Variants in DDX55 observed in about 807,000 individuals in gnomAD.
The protein encoded by DDX55 is DEAD-box helicase 55.
In DDX55, 56 loss-of-function variants were observed where a neutral mutation model predicts 69.2. The ratio of observed to expected loss-of-function variants is 0.81; its 90% CI spans 0.65 to 1.01. DDX55 has a LOEUF of 1.01. Among genes scored for constraint, DDX55 ranks in the 50% least tolerant of loss-of-function variants. The probability of loss-of-function intolerance (pLI) is 0.00; values close to 1 mark genes in which losing one functional copy is unlikely to be tolerated. For missense variants in DDX55, 720 were observed against 745.1 expected (o/e 0.97, Z 0.39); for synonymous variants, 268 against 273.1 (o/e 0.98, Z 0.18).
Position 123,610,123 on chromosome 12 carries a change from T to C in DDX55, c.736T>C (p.Tyr246His), listed in dbSNP as rs1257774956. 1 of 1,613,178 alleles carries C rather than the reference T, an allele frequency of 6.2e-7. No homozygotes were observed. Among genetic ancestry groups the C allele is most frequent in the Non-Finnish European group, 8.5e-7 (1 of 1,179,734 alleles). ...QKTPSRLENY[Y>H]MVCKADEKFN... ...GACCCCCTCCCGCCTGGAAAACTACTACATGGTAAGCGCCTGGGCTTGCTT... is the reference window on the plus strand; with the variant it reads ...GACCCCCTCCCGCCTGGAAAACTACCACATGGTAAGCGCCTGGGCTTGCTT... Residue 246 changes from tyrosine (Y) to histidine (H), a missense_variant, in exon 7 of 14, where the codon TAC (tyrosine) becomes CAC (histidine). Physicochemically the swap from Tyr to His is moderately conservative, Grantham distance 83 (BLOSUM62 2). Transcript: ENST00000238146.
rs367894750 is a variant in DDX55 at position 123,620,438 on chromosome 12, C to T, written c.*298C>T. 1.3e-4 allele frequency: 27 copies of T among 210,140 alleles called. No homozygotes were observed. The highest frequency in any genetic ancestry group is 5.5e-4 in the East Asian group (6 of 10,822). The allele number at this position is 210,140 out of a possible 1,614,324, so 13.0% of individuals were successfully genotyped here. ...GTTCAAGACCAGCCTGGGAACACAG[C>T]GAGACCCTCTCATTAAAAACAACAA... is the stretch of plus-strand genomic sequence containing the variant. On this transcript the variant is annotated 3_prime_UTR_variant, in exon 14 of 14. Coordinates refer to ENST00000238146, the MANE Select transcript of DDX55 (RefSeq NM_020936.3).
At chr12:123,605,577 A>G (rs1449441973) in intron 1 of DDX55, 3 of 374,192 alleles carry the variant, frequency 8.0e-6, no homozygotes, top group Non-Finnish European at 1.6e-5. Context: ...CAACCTCTAC[A>G]GTGCTTAAAA....
rs1953951423 is a variant in DDX55 at position 123,607,332 on chromosome 12, C to CT, written c.247-99dup. 12 of 1,314,310 alleles carry CT rather than the reference C, an allele frequency of 9.1e-6. No individual in the cohort carries two copies. The South Asian group carries it at 1.0e-4, about 11-fold the overall frequency. 81.4% of individuals were successfully genotyped at this position (1,314,310 alleles called of 1,614,324 possible). A position where few individuals can be genotyped will look rare whatever the true frequency, so the allele number is the denominator to read the frequency against. On this transcript the variant is annotated intron_variant, in intron 3 of 13. Coordinates refer to ENST00000238146, the MANE Select transcript of DDX55 (RefSeq NM_020936.3). Reference sequence around the variant, plus strand: ...AGAAAGTCTGGGAACTACTGTTTCTCTGGAACTTTCCTTTGTGTGGTAGAG... The same window carrying CT: ...AGAAAGTCTGGGAACTACTGTTTCTCTTGGAACTTTCCTTTGTGTGGTAGAG...
chr12:123,616,595 C>T lies in DDX55; in HGVS notation c.1041C>T (p.Ser347=), dbSNP rs1169783231. The T allele has an allele frequency of 1.9e-5, 30 of 1,614,068 alleles. No individual in the cohort carries two copies. The highest frequency in any genetic ancestry group is 2.3e-5 in the Non-Finnish European group (27 of 1,179,968). The change falls in exon 10 of 14, where the codon AGC becomes AGT. Residue 347 remains serine, a synonymous_variant. Transcript: ENST00000238146. Reference sequence around the variant, plus strand: ...GGGTTTTGCAGTATGACCCTCCCAGCAATGCAAGGTATGGTACGAGGCTGC... The same window carrying T: ...GGGTTTTGCAGTATGACCCTCCCAGTAATGCAAGGTATGGTACGAGGCTGC... The part of the protein sequence containing the change: ...VNWVLQYDPP[S]NASAFVHRCG...
chr12:123,620,623 TATATAA>T lies in DDX55; in HGVS notation c.*484_*489del, dbSNP rs1166276714. 2.0e-5 allele frequency: 2 copies of T among 102,232 alleles called. No homozygotes were observed. The highest frequency in any genetic ancestry group is 6.3e-4 in the South Asian group (2 of 3,178). 6.3% of individuals were successfully genotyped at this position (102,232 alleles called of 1,614,324 possible). ...ATATATATATATATATATATATATATATATAAGCTCTTTTTTCTGAGGCTATTTTAT... is the reference window on the plus strand; with the variant it reads ...ATATATATATATATATATATATATATGCTCTTTTTTCTGAGGCTATTTTAT... On this transcript the variant is annotated 3_prime_UTR_variant, in exon 14 of 14. Transcript: ENST00000238146.
intron 7 of DDX55, among the ~76,000 whole-genome samples, chr12:123,610,390 C>T (rs1445705224): frequency 6.6e-6 from 1 of 152,094 alleles, no homozygotes; most frequent in Non-Finnish European, 1.5e-5. Flanking sequence ...TTCTATTGTA[C>T]ATGCTTGGGG....
intron 6 of DDX55, 127 bp downstream of exon 6, chr12:123,608,956 T>A (rs941302981): frequency 2.1e-6 from 2 of 972,980 alleles, no homozygotes; most frequent in African/African-American, 3.3e-5. Flanking sequence ...ATTTATTTTT[T>A]ATTTATTTGT....
At chr12:123,603,862 A>G (rs1282473599) in intron 1 of DDX55, among the ~76,000 whole-genome samples, 1 of 151,068 alleles carries the variant, frequency 6.6e-6, no homozygotes, top group Non-Finnish European at 1.5e-5. Flanking sequence ...GAGTGCAATG[A>G]CACGATCTCG....
chr12:123,605,761 C>A (rs1593671095), intron 1 of DDX55, 170 bp from the exon 2 acceptor site: 1 of 866,990 alleles, frequency 1.2e-6, no homozygotes, highest in Non-Finnish European at 1.9e-6. Context: ...TCCACATAGA[C>A]ACAGTTGCCA....
At chr12:123,613,733 G>A (rs1156691187) in intron 8 of DDX55, among the ~76,000 whole-genome samples, 2 of 152,192 alleles carry the variant, frequency 1.3e-5, no homozygotes, top group African/African-American at 4.8e-5. Flanking sequence ...AGTGGGTCAC[G>A]TGGTGGCCCC....
chr12:123,620,027 CTTAA>C lies in DDX55; in HGVS notation c.1691_1694del (p.Leu564ArgfsTer5). ...TAATGACACAAGACTCTTGAAAAAA[CTTAA>C]GAAAGGCAAAATAACTGAAGAAGAA... On this transcript the variant is annotated frameshift_variant, in exon 14 of 14. Transcript: ENST00000238146. LOFTEE classifies it high-confidence loss of function. 1 of 1,614,036 alleles carries C rather than the reference CTTAA, an allele frequency of 6.2e-7. No individual in the cohort carries two copies. Among genetic ancestry groups the C allele is most frequent in the Admixed American group, 1.7e-5 (1 of 60,002 alleles).
In DDX55 at chr12:123,606,109, C is replaced by T; in HGVS notation, c.196C>T (p.Pro66Ser). 2 of 1,614,016 alleles carry T rather than the reference C, an allele frequency of 1.2e-6. No individual in the cohort carries two copies. The highest frequency in any genetic ancestry group is 1.7e-6 in the Non-Finnish European group (2 of 1,179,988). ...GSGKTLAFVI[P>S]ILEILLRREE... ...TGGCAAAACACTCGCTTTTGTCATC[C>T]CCATCCTGGAAATTCTTCTGAGAAG... The change falls in exon 3 of 14, where the codon CCC becomes TCC. Residue 66 changes from proline to serine, a missense_variant. Coordinates refer to ENST00000238146, the MANE Select transcript of DDX55 (RefSeq NM_020936.3).
chr12:123,619,727 A>G lies in DDX55; in HGVS notation c.1626+3A>G. 1 of 1,565,482 alleles carries G rather than the reference A, an allele frequency of 6.4e-7. No individual in the cohort carries two copies. Among genetic ancestry groups the G allele is most frequent in the Non-Finnish European group, 8.6e-7 (1 of 1,167,880 alleles). On this transcript the variant is annotated splice_donor_region_variant and intron_variant, in intron 13 of 13. Coordinates refer to ENST00000238146, the MANE Select transcript of DDX55 (RefSeq NM_020936.3). ...ATGAGAAAAGGAAAAGGGAAGAGGTAAAGTTTACTTTTACTTACATTAACT... is the reference window on the plus strand; with the variant it reads ...ATGAGAAAAGGAAAAGGGAAGAGGTGAAGTTTACTTTTACTTACATTAACT...
chr12:123,602,838 C>T (rs1953650881), intron 1 of DDX55, among the ~76,000 whole-genome samples: 1 of 152,060 alleles, frequency 6.6e-6, no homozygotes, highest in African/African-American at 2.4e-5. Context: ...AGAACTAAGA[C>T]GGTTGTGATA....
Position 123,617,783 on chromosome 12 carries a change from A to G in DDX55, c.1075A>G (p.Thr359Ala). 6.2e-7 allele frequency: 1 copy of G among 1,613,306 alleles called. No individual in the cohort carries two copies. Residue 359 changes from threonine to alanine, a missense_variant, in exon 11 of 14, where the codon ACA (threonine) becomes GCA (alanine). Physicochemically the swap from Thr to Ala is moderately conservative, Grantham distance 58 (BLOSUM62 0). Coordinates refer to ENST00000238146, the MANE Select transcript of DDX55 (RefSeq NM_020936.3). ...ASAFVHRCGRTARIGHGGSAL... is the reference protein window; with the variant it reads ...ASAFVHRCGRAARIGHGGSAL... ...TGCCTTCGTGCATCGCTGCGGTCGC[A>G]CAGCTCGCATTGGCCACGGGGGCAG...
chr12:123,619,602 C>T lies in DDX55; in HGVS notation c.1504C>T (p.Gln502Ter). The T allele has an allele frequency of 1.2e-6, 2 of 1,607,250 alleles. No individual in the cohort carries two copies. The highest frequency in any genetic ancestry group is 1.7e-6 in the Non-Finnish European group (2 of 1,177,256). The change falls in exon 13 of 14, where the codon CAA becomes TAA. Residue 502 changes from glutamine (Q) to a stop codon, truncating the protein, a stop_gained. Coordinates refer to ENST00000238146, the MANE Select transcript of DDX55 (RefSeq NM_020936.3). LOFTEE classifies it high-confidence loss of function. ...GCAGAGGCAGAAACTCCTGGAGCAA[C>T]AAAGAAGAGAGAAAACAGAAAATGA... ...EKQRQKLLEQ[Q>*]RREKTENEGR...
chr12:123,619,868 A>G lies in DDX55; in HGVS notation c.1627-96A>G, dbSNP rs751064420. ...GAATTTGCTCTATTTGCAGAAGCCA[A>G]TCTGAGAGCTTATAGTTCTTGAGTT... On this transcript the variant is annotated intron_variant, in intron 13 of 13. Coordinates refer to ENST00000238146, the MANE Select transcript of DDX55 (RefSeq NM_020936.3). 7.2e-5 allele frequency: 110 copies of G among 1,526,046 alleles called. 2 individuals carry two copies. Among genetic ancestry groups the G allele is most frequent in the East Asian group, 5.4e-4 (24 of 44,382 alleles). The allele number at this position is 1,526,046 out of a possible 1,614,324, so 94.5% of individuals were successfully genotyped here.
In DDX55 at chr12:123,605,882, G is replaced by C. The variant is rs754817739; in HGVS notation, c.109-49G>C. The C allele has an allele frequency of 1.2e-5, 20 of 1,613,668 alleles. No individual in the cohort carries two copies. In the African/African-American group the frequency reaches 2.5e-4, roughly 20 times the overall value. On this transcript the variant is annotated intron_variant, in intron 1 of 13. Transcript: ENST00000238146. ...GTTCCTAGGGCTTCGGGTCTCACCTGTGAATTGATGGCATCCTTTAACCAG... is the reference window on the plus strand; with the variant it reads ...GTTCCTAGGGCTTCGGGTCTCACCTCTGAATTGATGGCATCCTTTAACCAG...
At position 123,608,748 on chromosome 12, in the gene DDX55, A is replaced by C; in HGVS notation, c.470A>C (p.Asp157Ala). 6.2e-7 allele frequency: 1 copy of C among 1,614,128 alleles called. No homozygotes were observed. The highest frequency in any genetic ancestry group is 1.3e-5 in the African/African-American group (1 of 75,048). The part of the protein sequence containing the change: ...DMFRRKAEGL[D>A]LASCVRSLDV... ...TTCCGGAGGAAGGCCGAAGGCTTGG[A>C]TCTGGCCAGCTGTGTGCGATCCCTG... The change falls in exon 6 of 14, where the codon GAT (aspartate) becomes GCT (alanine). Residue 157 changes from aspartate to alanine, a missense_variant. Coordinates refer to ENST00000238146, the MANE Select transcript of DDX55 (RefSeq NM_020936.3).
Sources: allele counts gnomAD v4.1 joint callset (sites outside exome capture counted in the v4.1 genomes callset), GRCh38; gene constraint gnomAD v4.1.1; transcripts MANE v1.5; gene names NCBI Gene and HGNC (gene_info 2026-07-23, HGNC 2026-07-21).